TPH2: variants seen among roughly 807,000 people sequenced by gnomAD.
The protein encoded by TPH2 is tryptophan hydroxylase 2, also known as tryptophan 5-hydroxylase 2.
TPH2 carries 27 observed loss-of-function variants against 59.1 expected under a neutral mutation model. That is an observed-to-expected ratio of 0.46 (90% CI 0.34 to 0.63). The LOEUF (loss-of-function observed/expected upper bound fraction) is 0.63, where lower values mean the gene tolerates loss of function less well. TPH2 is among the 30% of genes least tolerant of loss of function. The probability of loss-of-function intolerance (pLI) is 0.01; values close to 1 mark genes in which losing one functional copy is unlikely to be tolerated. For missense variants in TPH2, 523 were observed against 588.3 expected, an observed-to-expected ratio of 0.89 and a Z score of 1.15; for synonymous variants, 220 against 210.5, an observed-to-expected ratio of 1.05 and a Z score of -0.39.
At chr12:72,008,228 T>G (rs1873006873) in intron 8 of TPH2, among the ~76,000 whole-genome samples, 1 of 152,202 alleles carries the variant, frequency 6.6e-6, no homozygotes, top group African/African-American at 2.4e-5. Flanking sequence ...CTGTTACATA[T>G]GCTTACTGGT....
At chr12:71,947,286 C>T (rs763444883) in intron 4 of TPH2, among the ~76,000 whole-genome samples, 1 of 152,056 alleles carries the variant, frequency 6.6e-6, no homozygotes. Flanking sequence ...TTATTTAAAG[C>T]TCCCAGGTGA....
At chr12:72,026,777 G>A (rs1459648311) in intron 9 of TPH2, among the ~76,000 whole-genome samples, 2 of 152,132 alleles carry the variant, frequency 1.3e-5, no homozygotes, top group Non-Finnish European at 2.9e-5. Context: ...ATTCAAATTG[G>A]TGAAGCCTAA....
chr12:72,000,621 G>A (rs942272040), intron 8 of TPH2, among the ~76,000 whole-genome samples: 1 of 152,148 alleles, frequency 6.6e-6, no homozygotes, highest in African/African-American at 2.4e-5. Flanking sequence ...TATGTCTTTC[G>A]AAAGGCACAT....
chr12:71,974,787 T>A (rs1364894667), intron 6 of TPH2, among the ~76,000 whole-genome samples: 1 of 152,190 alleles, frequency 6.6e-6, no homozygotes, highest in Admixed American at 6.5e-5. Context: ...ATCATCCAAA[T>A]TGATGTCCTC....
chr12:71,968,538 C>T (rs927359701), intron 5 of TPH2, among the ~76,000 whole-genome samples: 1 of 152,226 alleles, frequency 6.6e-6, no homozygotes, highest in African/African-American at 2.4e-5. Context: ...ACTGTCGGTC[C>T]CCTGCTCTGA....
chr12:71,949,467 C>A, intron 4 of TPH2, 121 bp from the exon 5 acceptor site: 1 of 783,804 alleles, frequency 1.3e-6, no homozygotes, highest in Non-Finnish European at 2.2e-6. Context: ...TCAAGATGGC[C>A]ATCCTAGGAT....
chr12:71,971,730 T>C (rs992497130), intron 5 of TPH2, among the ~76,000 whole-genome samples: 15 of 152,328 alleles, frequency 9.8e-5, no homozygotes, highest in Admixed American at 7.2e-4. Flanking sequence ...CAGTCACTAG[T>C]ACACTACTGT....
At chr12:72,004,742 AC>A (rs1384875823) in intron 8 of TPH2, among the ~76,000 whole-genome samples, 7 of 152,172 alleles carry the variant, frequency 4.6e-5, no homozygotes, top group Non-Finnish European at 8.8e-5. Context: ...GATGGTTGGG[AC>A]TTTTTTATGA....
intron 7 of TPH2, 113 bp downstream of exon 7, chr12:71,979,200 TGA>T (rs1261702729): frequency 7.0e-7 from 1 of 1,434,812 alleles, no homozygotes; most frequent in African/African-American, 1.4e-5. Flanking sequence ...CTTGAGCTAG[TGA>T]GAGTCACATC....
intron 1 of TPH2, among the ~76,000 whole-genome samples, chr12:71,940,836 CT>C (rs1566108644): frequency 6.6e-6 from 1 of 152,178 alleles, no homozygotes; most frequent in African/African-American, 2.4e-5. Context: ...AAGTGTTAAT[CT>C]TTTTCAGTTT....
At chr12:72,011,650 C>T (rs1873101927) in intron 8 of TPH2, among the ~76,000 whole-genome samples, 1 of 152,172 alleles carries the variant, frequency 6.6e-6, no homozygotes, top group African/African-American at 2.4e-5. Flanking sequence ...AAACTTTCCC[C>T]CTGACATTTT....
At chr12:71,982,915 T>C (rs1169753004) in intron 7 of TPH2, among the ~76,000 whole-genome samples, 1 of 152,244 alleles carries the variant, frequency 6.6e-6, no homozygotes, top group African/African-American at 2.4e-5. Context: ...TCAACACACA[T>C]TGGATTTTAA....
intron 9 of TPH2, among the ~76,000 whole-genome samples, chr12:72,028,834 C>T (rs1873639233): frequency 1.3e-5 from 2 of 152,156 alleles, no homozygotes; most frequent in African/African-American, 4.8e-5. Context: ...TCCAGTTTTT[C>T]CTTTAAATGT....
At chr12:72,021,668 A>G (rs1411884585) in intron 8 of TPH2, among the ~76,000 whole-genome samples, 1 of 152,110 alleles carries the variant, frequency 6.6e-6, no homozygotes, top group African/African-American at 2.4e-5. Context: ...TATTAAACAC[A>G]TTTTCAACTT....
In TPH2 at chr12:71,978,971, G is replaced by A; in HGVS notation, c.825G>A (p.Val275=). ...TTTTAGAAAGGTCTGGCTTCACGGT[G>A]AGGCCGGTGGCTGGATACCTGAGCC... ...MFLKERSGFT[V]RPVAGYLSPR... is the part of the protein sequence containing the mutation. Residue 275 remains valine, a synonymous_variant, in exon 7 of 11, where the codon GTG becomes GTA. Transcript: ENST00000333850. 1 of 1,614,128 alleles carries A rather than the reference G, an allele frequency of 6.2e-7. No homozygotes were observed. The highest frequency in any genetic ancestry group is 1.6e-4 in the Middle Eastern group (1 of 6,062).
rs145212560 is a variant in TPH2 at position 71,995,634 on chromosome 12, T to A, written c.1068+1069T>A. 4.6e-5 allele frequency among the ~76,000 whole-genome samples: 7 copies of A among 152,256 alleles called. No homozygotes were observed. In the East Asian group the frequency reaches 1.4e-3, roughly 29 times the overall value. On this transcript the variant is annotated intron_variant, in intron 8 of 10. Transcript: ENST00000333850. ...AGAAGCCATCTAAATGGCAAGGACC[T>A]CTGGGGTCAGTATGGAGATGAATAG...
intron 8 of TPH2, among the ~76,000 whole-genome samples, chr12:72,018,796 T>C (rs779096102): frequency 6.6e-6 from 1 of 152,220 alleles, no homozygotes; most frequent in Non-Finnish European, 1.5e-5. Flanking sequence ...CTTTTATTTC[T>C]CCATTATTTG....
chr12:71,990,013 G>T (rs966937602), intron 7 of TPH2, among the ~76,000 whole-genome samples: 2 of 151,356 alleles, frequency 1.3e-5, no homozygotes, highest in Admixed American at 6.6e-5. Context: ...GCTTTGAAAG[G>T]TCTTGTATTT....
intron 8 of TPH2, among the ~76,000 whole-genome samples, chr12:72,006,665 G>A (rs1872961552): frequency 6.6e-6 from 1 of 152,036 alleles, no homozygotes; most frequent in South Asian, 2.1e-4. Flanking sequence ...TGCTAACATT[G>A]GACAATGTAG....
Sources: allele counts gnomAD v4.1 joint callset (sites outside exome capture counted in the v4.1 genomes callset), GRCh38; gene constraint gnomAD v4.1.1; transcripts MANE v1.5; gene names NCBI Gene and HGNC (gene_info 2026-07-23, HGNC 2026-07-21).